Variants in NAA11 observed in about 807,000 individuals in gnomAD.
NAA11 encodes N-alpha-acetyltransferase 11.
In NAA11, 15 loss-of-function variants were observed where a neutral mutation model predicts 16.1. The observed-to-expected ratio is 0.93, with a 90% CI of 0.62 to 1.44. The LOEUF (loss-of-function observed/expected upper bound fraction) is 1.44, where lower values mean the gene tolerates loss of function less well. Ranked by LOEUF, NAA11 falls within the 40% of genes most tolerant of loss-of-function variation. The pLI is 0.00. For missense variants in NAA11, 298 were observed against 291.3 expected (o/e 1.02, Z -0.17); for synonymous variants, 122 against 112.4 (o/e 1.09, Z -0.54).
At position 79,325,946 on chromosome 4, in the gene NAA11, G is replaced by A; in HGVS notation, c.-69C>T. 3.6e-6 allele frequency: 5 copies of A among 1,398,218 alleles called. No individual in the cohort carries two copies. The highest frequency in any genetic ancestry group is 1.4e-5 in the South Asian group (1 of 72,700). The allele number at this position is 1,398,218 out of a possible 1,614,324, so 86.6% of individuals were successfully genotyped here. Reference sequence around the variant, plus strand: ...AAGAGGCTGTCGCCGACCTTAAGGGGCACTGTTTGCCTCAGGAATCGAGTC... The same window carrying A: ...AAGAGGCTGTCGCCGACCTTAAGGGACACTGTTTGCCTCAGGAATCGAGTC... On this transcript the variant is annotated 5_prime_UTR_variant, in exon 1 of 2. Coordinates refer to ENST00000286794, the MANE Select transcript of NAA11 (RefSeq NM_032693.3).
intron 2 of NAA11, among the ~76,000 whole-genome samples, chr4:79,277,526 G>A (rs1433459934): frequency 1.3e-5 from 2 of 152,074 alleles, no homozygotes; most frequent in African/African-American, 2.4e-5. Context: ...GAATTAATAT[G>A]TCATTATGTT....
intron 2 of NAA11, among the ~76,000 whole-genome samples, chr4:79,288,970 AT>A (rs1327801270): frequency 2.0e-5 from 3 of 152,316 alleles, no homozygotes; most frequent in Non-Finnish European, 2.9e-5. Flanking sequence ...TTTCTACAAT[AT>A]TTTTGATGGC....
At chr4:79,206,537 T>C in the NAA11 span, among the ~76,000 whole-genome samples, 1 of 152,138 alleles carries the variant, frequency 6.6e-6, no homozygotes, top group African/African-American at 2.4e-5. Context: ...TGCCCTGGCA[T>C]GCTTATACTA....
At chr4:79,322,138 T>A (rs1724107796) in intron 1 of NAA11, among the ~76,000 whole-genome samples, 1 of 152,210 alleles carries the variant, frequency 6.6e-6, no homozygotes, top group Non-Finnish European at 1.5e-5. Context: ...CTAATACTCA[T>A]ATACCCTTGC....
chr4:79,311,897 T>A (rs555503468), downstream of NAA11, among the ~76,000 whole-genome samples: 1 of 152,326 alleles, frequency 6.6e-6, no homozygotes, highest in South Asian at 2.1e-4. Context: ...TACACAGACA[T>A]GAGTAATTTT....
chr4:79,323,131 T>A (rs6853324), intron 1 of NAA11, among the ~76,000 whole-genome samples: 4,185 of 152,296 alleles, frequency 0.027, 200 homozygotes, highest in African/African-American at 0.095. Flanking sequence ...ACTGAAATTA[T>A]ATACAGAATA....
intron 2 of NAA11, among the ~76,000 whole-genome samples, chr4:79,261,370 T>C (rs1722241063): frequency 6.6e-6 from 1 of 152,134 alleles, no homozygotes. Context: ...TAGGCAACAG[T>C]GTGAATTTTC....
the NAA11 span, among the ~76,000 whole-genome samples, chr4:79,166,823 AC>A: frequency 6.8e-6 from 1 of 148,072 alleles, no homozygotes; most frequent in Non-Finnish European, 1.5e-5. Flanking sequence ...GAGGCAGGAC[AC>A]CCCACTGCGC....
At chr4:79,177,734 C>A in the NAA11 span, among the ~76,000 whole-genome samples, 238 of 152,146 alleles carry the variant, frequency 1.6e-3, 1 homozygote, top group Non-Finnish European at 2.1e-3. Flanking sequence ...ATCTTACTGG[C>A]AGTAAATTGT....
chr4:79,313,358 A>C (rs1241162318), downstream of NAA11, among the ~76,000 whole-genome samples: 2 of 152,182 alleles, frequency 1.3e-5, no homozygotes, highest in Admixed American at 1.3e-4. Flanking sequence ...GAGGATATCC[A>C]CGTGGTCATA....
At chr4:79,246,231 C>T (rs1031853944) in intron 2 of NAA11, among the ~76,000 whole-genome samples, 27 of 152,066 alleles carry the variant, frequency 1.8e-4, no homozygotes, top group African/African-American at 6.5e-4. Context: ...GGGACACAAA[C>T]ACTGCGGAAG....
intron 2 of NAA11, chr4:79,244,638 C>CCCCCCCCCCCCCCCCCCCCCCCCTCT (rs60096999): frequency 2.3e-5 from 1 of 44,336 alleles, no homozygotes; most frequent in Non-Finnish European, 5.2e-5. Flanking sequence ...CCCTCCCCCT[C>CCCCCCCCCCCCCCCCCCCCCCCCTCT]CCCGTCTCCG....
At chr4:79,168,563 C>T in the NAA11 span, among the ~76,000 whole-genome samples, 20 of 152,152 alleles carry the variant, frequency 1.3e-4, no homozygotes, top group African/African-American at 3.6e-4. Context: ...GATTACTATT[C>T]GAACTAGCGT....
rs756687077 is a variant in NAA11 at position 79,326,027 on chromosome 4, G to C, written c.-150C>G. 2.1e-5 allele frequency: 14 copies of C among 654,258 alleles called. No homozygotes were observed. The highest frequency in any genetic ancestry group is 3.5e-5 in the Non-Finnish European group (13 of 374,172). The allele number at this position is 654,258 out of a possible 1,614,324, so 40.5% of individuals were successfully genotyped here. On this transcript the variant is annotated 5_prime_UTR_variant, in exon 1 of 2. Transcript: ENST00000286794. ...GTGGAGGGCGGATGGCGGGAAGGCG[G>C]AAGGAGCAGGAGATGGAAAAGATGG...
chr4:79,213,049 CACTT>C, the NAA11 span, among the ~76,000 whole-genome samples: 1 of 152,078 alleles, frequency 6.6e-6, no homozygotes, highest in Non-Finnish European at 1.5e-5. Context: ...GTAAACTAGA[CACTT>C]ACTTACTTTT....
At chr4:79,204,083 A>G in the NAA11 span, among the ~76,000 whole-genome samples, 2 of 151,830 alleles carry the variant, frequency 1.3e-5, no homozygotes, top group Admixed American at 6.6e-5. Context: ...ACTTTTCTGA[A>G]AGGTATTTTG....
chr4:79,222,425 A>G (rs1440463462), downstream of NAA11, among the ~76,000 whole-genome samples: 158 of 151,606 alleles, frequency 1.0e-3, no homozygotes, highest in Middle Eastern at 3.4e-3. Flanking sequence ...TGGTGCTGGG[A>G]AAACTGGCTA....
At chr4:79,218,899 G>GA in the NAA11 span, among the ~76,000 whole-genome samples, 1 of 151,906 alleles carries the variant, frequency 6.6e-6, no homozygotes, top group Non-Finnish European at 1.5e-5. Context: ...GTACTACCAT[G>GA]CAAAATTTTT....
the NAA11 span, among the ~76,000 whole-genome samples, chr4:79,211,018 T>G: frequency 6.6e-6 from 1 of 152,230 alleles, no homozygotes; most frequent in African/African-American, 2.4e-5. Flanking sequence ...GTCATCTTTT[T>G]GTTTGCTCAA....
Sources: gnomAD v4.1 joint callset for allele counts (sites outside exome capture counted in the v4.1 genomes callset) on GRCh38, gnomAD v4.1.1 for gene constraint, MANE v1.5 for transcripts, NCBI Gene and HGNC (gene_info 2026-07-23, HGNC 2026-07-21) for gene names.